The following NAP1L4 variants were observed in gnomAD, a reference collection of about 807,000 sequenced individuals.
NAP1L4 encodes the protein nucleosome assembly protein 1-like 4.
A neutral mutation model predicts 58.2 loss-of-function variants in NAP1L4; 15 were observed. That is an observed-to-expected ratio of 0.26 (90% CI 0.17 to 0.40). The LOEUF is 0.40. Among genes scored for constraint, NAP1L4 ranks in the 10% least tolerant of loss-of-function variants. NAP1L4 has a pLI of 1.00. For synonymous variants in NAP1L4, 171 were observed against 155.6 expected (o/e 1.10, Z -0.74); for missense variants, 384 against 451.1 (o/e 0.85, Z 1.35).
At chr11:2,945,718 T>C (rs998455257) in intron 15 of NAP1L4, 72 bp from the exon 16 acceptor site, 1 of 1,295,426 alleles carries the variant, frequency 7.7e-7, no homozygotes. Flanking sequence ...CAATCAACAA[T>C]GAAAGCCAAG....
Position 2,954,531 on chromosome 11 carries a change from T to C in NAP1L4, c.1031A>G (p.Asp344Gly), listed in dbSNP as rs960958015. 6.2e-7 allele frequency: 1 copy of C among 1,614,118 alleles called. No homozygotes were observed. The highest frequency in any genetic ancestry group is 8.5e-7 in the Non-Finnish European group (1 of 1,180,016). The change falls in exon 12 of 16, where the codon GAC becomes GGC. Residue 344 changes from aspartate to glycine, a missense_variant. Around this residue, in one of 3 missense-constraint regions of NAP1L4, gnomAD observed 296 missense variants for 360.8 expected, o/e 0.82. Coordinates refer to ENST00000380542, the MANE Select transcript of NAP1L4 (RefSeq NM_005969.4). This position sits in a 1 kb window ranked among gnomAD's most constrained non-coding sequence, Gnocchi z 4.8. Reference protein sequence around the residue: ...YFTGEAIEDDDNFEEGEEGEE... With the variant: ...YFTGEAIEDDGNFEEGEEGEE... Reference sequence around the variant, plus strand: ...CCCCTTCCCCGAGCCTCATACATTGTCATCATCTTCTATGGCCTCCCCAGT... The same window carrying C: ...CCCCTTCCCCGAGCCTCATACATTGCCATCATCTTCTATGGCCTCCCCAGT...
intron 8 of NAP1L4, among the ~76,000 whole-genome samples, chr11:2,962,046 C>T (rs990625409): frequency 2.0e-5 from 3 of 152,210 alleles, no homozygotes; most frequent in Admixed American, 2.0e-4. Flanking sequence ...CTCAATCTTA[C>T]AAGCAACTAA....
In NAP1L4 at chr11:2,951,362, C is replaced by A. The variant is rs377624301; in HGVS notation, c.1066-47G>T. The stretch of plus-strand genomic sequence containing the variant: ...TAGCTGGAATGACAAGATTTAAACT[C>A]TTGTGGCATTCACAATCCACAAACA... On this transcript the variant is annotated intron_variant, in intron 13 of 15. Transcript: ENST00000380542. The surrounding 1 kb of genome is among the most constrained non-coding windows in gnomAD (Gnocchi z 4.0). 6.5e-7 allele frequency: 1 copy of A among 1,540,260 alleles called. No individual in the cohort carries two copies. The highest frequency in any genetic ancestry group is 9.0e-7 in the Non-Finnish European group (1 of 1,113,608).
chr11:2,987,009 G>C (rs1848674048), intron 1 of NAP1L4, among the ~76,000 whole-genome samples: 1 of 152,130 alleles, frequency 6.6e-6, no homozygotes, highest in Non-Finnish European at 1.5e-5. Flanking sequence ...AAGAGAGTCT[G>C]ACCAGCCATT....
At chr11:2,970,116 G>A (rs1043289170) in intron 6 of NAP1L4, among the ~76,000 whole-genome samples, 182 bp from the exon 7 acceptor site, 2 of 152,158 alleles carry the variant, frequency 1.3e-5, no homozygotes. Flanking sequence ...TGAGGAAAAA[G>A]CATTCAAGTC....
Position 2,951,409 on chromosome 11 carries a change from A to T in NAP1L4, c.1066-94T>A. The T allele has an allele frequency of 9.5e-7, 1 of 1,047,430 alleles. No individual in the cohort carries two copies. The highest frequency in any genetic ancestry group is 1.5e-6 in the Non-Finnish European group (1 of 673,188). The allele number at this position is 1,047,430 out of a possible 1,614,324, so 64.9% of individuals were successfully genotyped here. A position where few individuals can be genotyped will look rare whatever the true frequency, so the allele number is the denominator to read the frequency against. Reference sequence around the variant, plus strand: ...AACACAAGGAGCAAAACACTGCCTTAGATGGAAATCAATTACTGCTACCCA... The same window carrying T: ...AACACAAGGAGCAAAACACTGCCTTTGATGGAAATCAATTACTGCTACCCA... On this transcript the variant is annotated intron_variant, in intron 13 of 15. Transcript: ENST00000380542. This position sits in a 1 kb window ranked among gnomAD's most constrained non-coding sequence, Gnocchi z 4.0.
At chr11:2,975,586 C>T (rs913172689) in intron 4 of NAP1L4, among the ~76,000 whole-genome samples, 9 of 151,742 alleles carry the variant, frequency 5.9e-5, no homozygotes, top group Non-Finnish European at 7.4e-5. Flanking sequence ...TAAAGACAGT[C>T]TCACTGTCAC....
At chr11:2,972,461 T>C (rs370932372) in intron 4 of NAP1L4, among the ~76,000 whole-genome samples, 1 of 152,108 alleles carries the variant, frequency 6.6e-6, no homozygotes, top group East Asian at 1.9e-4. Context: ...ACACAAATTG[T>C]CAAACATGAA....
rs1284884958 is a variant in NAP1L4 at position 2,955,179 on chromosome 11, GCAC to G, written c.916-536_916-534del. ...CCCAGCGACCCTGGAACTACACAGT[GCAC>G]CACCATGTCCAGCTAATTTATTATT... On this transcript the variant is annotated intron_variant, in intron 11 of 15. Coordinates refer to ENST00000380542, the MANE Select transcript of NAP1L4 (RefSeq NM_005969.4). This position sits in a 1 kb window ranked among gnomAD's most constrained non-coding sequence, Gnocchi z 4.2. 2.0e-5 allele frequency among the ~76,000 whole-genome samples: 3 copies of G among 151,842 alleles called. No homozygotes were observed. The highest frequency in any genetic ancestry group is 2.9e-5 in the Non-Finnish European group (2 of 67,980).
Position 2,979,480 on chromosome 11 carries a change from A to C in NAP1L4, c.-17-243T>G, listed in dbSNP as rs997117900. ...CATCACACACAAACTTTACTCATAA[A>C]AAAATTTCTCGGCCTGGCGCGGTGG... On this transcript the variant is annotated intron_variant, in intron 1 of 15. Transcript: ENST00000380542. 3.3e-5 allele frequency among the ~76,000 whole-genome samples: 5 copies of C among 152,266 alleles called. No homozygotes were observed. The East Asian group carries it at 5.8e-4, about 18-fold the overall frequency.
chr11:2,951,328 A>C lies in NAP1L4; in HGVS notation c.1066-13T>G. 1.9e-6 allele frequency: 3 copies of C among 1,611,480 alleles called. No homozygotes were observed. Among genetic ancestry groups the C allele is most frequent in the South Asian group, 2.2e-5 (2 of 91,012 alleles). ...CACCTTCTAATTCCTGTATTTAAAA[A>C]GTGAGAATTAGCTGGAATGACAAGA... On this transcript the variant is annotated splice_polypyrimidine_tract_variant and intron_variant, in intron 13 of 15. Transcript: ENST00000380542. This position sits in a 1 kb window ranked among gnomAD's most constrained non-coding sequence, Gnocchi z 4.0.
rs548173327 is a variant in NAP1L4, at chr11:2,948,849, G to GCA, written c.*32+376_*32+377dup. 3.3e-5 allele frequency among the ~76,000 whole-genome samples: 5 copies of GCA among 152,336 alleles called. No individual in the cohort carries two copies. In the South Asian group the frequency reaches 1.0e-3, roughly 32 times the overall value. ...TTTCAACTGCCAGTGTGTGTTCTGA[G>GCA]CACAGCTGGGACAGCCCAGTGTGTT... On this transcript the variant is annotated intron_variant, in intron 15 of 15. Coordinates refer to ENST00000380542, the MANE Select transcript of NAP1L4 (RefSeq NM_005969.4). This position sits in a 1 kb window ranked among gnomAD's most constrained non-coding sequence, Gnocchi z 5.1.
At chr11:2,963,761 G>A (rs375015761) in intron 8 of NAP1L4, 23 of 519,124 alleles carry the variant, frequency 4.4e-5, no homozygotes, top group Admixed American at 1.2e-4. Flanking sequence ...CCCACAGCCC[G>A]TCATGCAGCA....
chr11:2,981,967 C>T (rs1459641494), intron 1 of NAP1L4, among the ~76,000 whole-genome samples: 1 of 152,200 alleles, frequency 6.6e-6, no homozygotes, highest in Non-Finnish European at 1.5e-5. Flanking sequence ...TCACAGTATT[C>T]CTGAGGTTAG....
At chr11:2,976,327 C>T (rs1383774791) in intron 3 of NAP1L4, among the ~76,000 whole-genome samples, 1 of 152,090 alleles carries the variant, frequency 6.6e-6, no homozygotes, top group Non-Finnish European at 1.5e-5. Flanking sequence ...GGTTAATCAC[C>T]TGATGGGTAG....
chr11:2,963,031 C>T (rs1341780141), intron 8 of NAP1L4, among the ~76,000 whole-genome samples: 1 of 137,714 alleles, frequency 7.3e-6, no homozygotes, highest in Admixed American at 8.1e-5. Context: ...ATCCAGGAGG[C>T]AGAGGTTGCA....
chr11:2,991,314 C>G (rs1461415151), intron 1 of NAP1L4: 1 of 319,236 alleles, frequency 3.1e-6, no homozygotes, highest in Non-Finnish European at 6.5e-6. Flanking sequence ...GAACGGAAAG[C>G]ATTCAGAAGG....
At position 2,945,346 on chromosome 11, in the gene NAP1L4, AG is replaced by A. The variant is rs1399611067; in HGVS notation, c.*332del. 3 of 449,456 alleles carry A rather than the reference AG, an allele frequency of 6.7e-6. No individual in the cohort carries two copies. The highest frequency in any genetic ancestry group is 3.9e-5 in the Admixed American group (1 of 25,358). The allele number at this position is 449,456 out of a possible 1,614,324, so 27.8% of individuals were successfully genotyped here. Reference sequence around the variant, plus strand: ...AGGGCCCTCCCACAGGGAAAGGCCCAGGGAAGTCCAGAGCTACAGGCACCAA... The same window carrying A: ...AGGGCCCTCCCACAGGGAAAGGCCCAGGAAGTCCAGAGCTACAGGCACCAA... On this transcript the variant is annotated 3_prime_UTR_variant, in exon 16 of 16. Coordinates refer to ENST00000380542, the MANE Select transcript of NAP1L4 (RefSeq NM_005969.4).
Position 2,958,427 on chromosome 11 carries a change from G to C in NAP1L4, c.864C>G (p.Ser288=). The C allele has an allele frequency of 6.2e-7, 1 of 1,614,052 alleles. No homozygotes were observed. The highest frequency in any genetic ancestry group is 1.3e-5 in the African/African-American group (1 of 75,028). ...TCAATGGATTGAAGAAGTTGAAAAA[G>C]GACTCATTGGGTACTTGTTTCGTAA... ...RTITKQVPNE[S]FFNFFNPLKA... Residue 288 remains serine (S), a synonymous_variant, in exon 10 of 16, where the codon TCC becomes TCG. Coordinates refer to ENST00000380542, the MANE Select transcript of NAP1L4 (RefSeq NM_005969.4).
Sources: gnomAD v4.1 joint callset for allele counts (sites outside exome capture counted in the v4.1 genomes callset) on GRCh38, gnomAD v4.1.1 for gene constraint, gnomAD v4.1.1 regional missense constraint, Gnocchi (gnomAD v3.1) non-coding constraint, MANE v1.5 for transcripts, NCBI Gene and HGNC (gene_info 2026-07-23, HGNC 2026-07-21) for gene names.